ZNF185: variants seen among roughly 807,000 people sequenced by gnomAD.
ZNF185 encodes the protein zinc finger protein 185.
Under a neutral mutation model 58.6 loss-of-function variants are expected in ZNF185, and 56 were observed. The observed-to-expected ratio is 0.95, with a 90% CI of 0.77 to 1.19. The LOEUF is 1.19. Among genes scored for constraint, ZNF185 ranks in the 50% most tolerant of loss-of-function variants. ZNF185 has a pLI of 0.00. For synonymous variants in ZNF185, 230 were observed against 215.9 expected (o/e 1.07, Z -0.57); for missense variants, 627 against 573.5 (o/e 1.09, Z -0.95).
chrX:152,915,887 AG>A (rs1336924477), intron 3 of ZNF185, among the ~76,000 whole-genome samples: 1 of 111,987 alleles, frequency 8.9e-6, no homozygotes, highest in Admixed American at 9.5e-5. Flanking sequence ...GCGGCTTCTC[AG>A]GGGGTGGTAG....
chrX:152,920,922 C>T (rs1939580727), intron 9 of ZNF185, among the ~76,000 whole-genome samples, 174 bp downstream of exon 10: 1 of 112,582 alleles, frequency 8.9e-6, no homozygotes, highest in Non-Finnish European at 1.9e-5. Flanking sequence ...GCCTGGCAAG[C>T]ACCTGGGTGG....
chrX:152,938,872 G>A (rs2046732155), intron 15 of ZNF185, among the ~76,000 whole-genome samples: 1 of 101,367 alleles, frequency 9.9e-6, no homozygotes, highest in African/African-American at 3.9e-5. Flanking sequence ...GTACTACTTA[G>A]GTGGGTGGAA....
rs375825411 is a variant in ZNF185, at chrX:152,945,485, G to A, written c.1409+21G>A. 1.5e-5 allele frequency: 18 copies of A among 1,176,895 alleles called. No individual in the cohort carries two copies. In the South Asian group the frequency reaches 3.4e-4, roughly 22 times the overall value. ...AGCAGGTAAGGGCTGAGCTGCAGTG[G>A]GCTCTGCCTCTGGAGCCCATGTTTT... On this transcript the variant is annotated intron_variant, in intron 16 of 22. Transcript: ENST00000449285.
intron 17 of ZNF185, among the ~76,000 whole-genome samples, chrX:152,962,883 C>G (rs1201060784): frequency 8.9e-6 from 1 of 112,896 alleles, no homozygotes; most frequent in Admixed American, 9.3e-5. Flanking sequence ...CTTCCCTTTC[C>G]CCACTCTTCA....
At chrX:152,943,552 ACATTG>A (rs781932251) in intron 15 of ZNF185, among the ~76,000 whole-genome samples, 5 of 112,661 alleles carry the variant, frequency 4.4e-5, no homozygotes, top group African/African-American at 1.3e-4. Context: ...CCTGGATGTT[ACATTG>A]TCCAGCAGAG....
At chrX:152,932,619 G>T (rs782015292) in intron 13 of ZNF185, among the ~76,000 whole-genome samples, 25 of 111,920 alleles carry the variant, frequency 2.2e-4, no homozygotes, top group Non-Finnish European at 4.5e-4. Context: ...TTGGCAATCA[G>T]CTCCCCCCAC....
At chrX:152,913,575 T>C (rs1275944063), upstream of ZNF185, among the ~76,000 whole-genome samples, 1 of 112,485 alleles carries the variant, frequency 8.9e-6, no homozygotes, top group Non-Finnish European at 1.9e-5. Context: ...AAGGCAGCTG[T>C]GGGCCAGGGC....
intron 12 of ZNF185, among the ~76,000 whole-genome samples, chrX:152,929,838 A>G (rs782545612): frequency 1.2e-4 from 13 of 112,046 alleles, no homozygotes; most frequent in Non-Finnish European, 2.3e-4. Flanking sequence ...TGAACTCAGT[A>G]CCTGGCCCCA....
intron 14 of ZNF185, among the ~76,000 whole-genome samples, chrX:152,935,328 T>C (rs781813847): frequency 1.9e-5 from 2 of 106,800 alleles, no homozygotes; most frequent in African/African-American, 6.8e-5. Flanking sequence ...CTCCGCCTCC[T>C]GAGTTCATGC....
At chrX:152,959,972 C>G (rs782312851) in intron 17 of ZNF185, 76 bp downstream of exon 19, 136 of 989,533 alleles carry the variant, frequency 1.4e-4, no homozygotes, top group Non-Finnish European at 1.8e-4. Context: ...CAGGACAAAC[C>G]CCCACACACT....
intron 18 of ZNF185, among the ~76,000 whole-genome samples, 158 bp downstream of exon 20, chrX:152,964,107 C>G (rs1288462711): frequency 8.9e-6 from 1 of 112,471 alleles, no homozygotes; most frequent in Non-Finnish European, 1.9e-5. Context: ...AGTGTTAGTC[C>G]CCTAATATAA....
rs187780276 is a variant in ZNF185 at position 152,932,955 on chromosome X, G to A, written c.1105G>A (p.Gly369Ser). The A allele has an allele frequency of 3.8e-4, 456 of 1,195,017 alleles. 2 individuals are homozygous for A. The African/African-American group carries it at 6.8e-3, about 18-fold the overall frequency. The change falls in exon 14 of 23, where the codon GGC becomes AGC. Residue 369 changes from glycine (G) to serine (S), a missense_variant. Coordinates refer to ENST00000449285, the Ensembl canonical transcript of ZNF185. ...TGAAGGCTTGGCTGCAGTAGACATC[G>A]GCTCCGAGAGAGGAAGGTGAGCTGC...
intron 19 of ZNF185, 59 bp downstream of exon 21, chrX:152,965,586 C>T: frequency 1.0e-6 from 1 of 990,130 alleles, no homozygotes; most frequent in Non-Finnish European, 1.4e-6. Context: ...CCCATATTCT[C>T]ATCCCTGCAT....
In ZNF185 at chrX:152,967,189, T is replaced by C. The variant is rs782654971; in HGVS notation, c.1822T>C (p.Phe608Leu). The C allele has an allele frequency of 3.3e-6, 4 of 1,211,242 alleles. No individual in the cohort carries two copies. In the Admixed American group the frequency reaches 8.7e-5, roughly 26 times the overall value. Residue 608 changes from phenylalanine (F) to leucine (L), a missense_variant, in exon 20 of 23, where the codon TTC (phenylalanine) becomes CTC (leucine). Coordinates refer to ENST00000449285, the Ensembl canonical transcript of ZNF185. The stretch of plus-strand genomic sequence containing the variant: ...CAGCGTCAGCAGCATTGAGGACTCA[T>C]TCGCCATGGAGAAGAAGCCTCCATG...
chrX:152,930,875 C>T (rs1196380451), intron 12 of ZNF185, among the ~76,000 whole-genome samples: 2 of 111,261 alleles, frequency 1.8e-5, no homozygotes, highest in Non-Finnish European at 3.8e-5. Context: ...CAACATGGGG[C>T]TCCCTGAGGA....
At chrX:152,936,448 C>T (rs1556881787) in intron 14 of ZNF185, 2 of 1,166,571 alleles carry the variant, frequency 1.7e-6, no homozygotes, top group Admixed American at 5.2e-5. Context: ...TTGCCTCTTT[C>T]CTGGAAGACC....
At chrX:152,965,171 G>A (rs2049978173) in intron 18 of ZNF185, among the ~76,000 whole-genome samples, 1 of 112,248 alleles carries the variant, frequency 8.9e-6, no homozygotes, top group Non-Finnish European at 1.9e-5. Context: ...TGGGGTCACC[G>A]AGGTCTGCAT....
exon 16 of ZNF185, chrX:152,945,423 C>T (rs782240755): frequency 8.3e-6 from 10 of 1,205,082 alleles, no homozygotes; most frequent in South Asian, 5.4e-5. Context: ...GCAGCCCCAG[C>T]GGATCTGAGC....
At chrX:152,906,694 G>C in the ZNF185 span, among the ~76,000 whole-genome samples, 1 of 111,960 alleles carries the variant, frequency 8.9e-6, no homozygotes, top group Non-Finnish European at 1.9e-5. Flanking sequence ...TGGCACACGT[G>C]GGGTGGCAGA....
Sources: allele counts gnomAD v4.1 joint callset (sites outside exome capture counted in the v4.1 genomes callset), GRCh38; gene constraint gnomAD v4.1.1; transcripts MANE v1.5; gene names NCBI Gene and HGNC (gene_info 2026-07-23, HGNC 2026-07-21).